The following COL25A1 variants were observed in gnomAD, a reference collection of about 807,000 sequenced individuals.
The protein encoded by COL25A1 is collagen type XXV alpha 1 chain.
Under a neutral mutation model 128.4 loss-of-function variants are expected in COL25A1, and 103 were observed. The ratio of observed to expected loss-of-function variants is 0.80; its 90% CI spans 0.68 to 0.94. COL25A1 has a LOEUF of 0.94. Ranked by LOEUF, COL25A1 falls within the 40% of genes least tolerant of loss-of-function variation. The pLI is 0.00. For synonymous variants in COL25A1, 279 were observed against 277.2 expected (o/e 1.01, Z -0.06); for missense variants, 745 against 840.0 (o/e 0.89, Z 1.40).
At chr4:109,020,711 A>G (rs1462697153) in intron 5 of COL25A1, among the ~76,000 whole-genome samples, 2 of 152,214 alleles carry the variant, frequency 1.3e-5, no homozygotes, top group Admixed American at 1.3e-4. Context: ...TAACATGTTC[A>G]TATGTGGAAC....
intron 3 of COL25A1, among the ~76,000 whole-genome samples, chr4:109,061,485 A>C (rs112807134): frequency 2.6e-5 from 4 of 152,332 alleles, no homozygotes; most frequent in African/African-American, 9.6e-5. Flanking sequence ...TTGTCTATTT[A>C]AGGAATTAAT....
chr4:109,039,470 A>G (rs1378613218), intron 5 of COL25A1, among the ~76,000 whole-genome samples: 1 of 152,184 alleles, frequency 6.6e-6, no homozygotes, highest in African/African-American at 2.4e-5. Flanking sequence ...CTCTTGGAAA[A>G]TACACACTAC....
chr4:108,909,645 G>A (rs1210841486), intron 13 of COL25A1, among the ~76,000 whole-genome samples: 2 of 152,202 alleles, frequency 1.3e-5, no homozygotes, highest in Non-Finnish European at 2.9e-5. Flanking sequence ...GTAATGCAGA[G>A]AGATAGTTAG....
intron 3 of COL25A1, among the ~76,000 whole-genome samples, chr4:109,138,428 A>G (rs1298463905): frequency 6.6e-6 from 1 of 152,178 alleles, no homozygotes; most frequent in East Asian, 1.9e-4. Context: ...GCTATTGTGA[A>G]TAGTGCCGCA....
rs79363979 is a variant in COL25A1 at position 109,121,260 on chromosome 4, A to C, written c.368-71081T>G. 8.9e-3 allele frequency among the ~76,000 whole-genome samples: 1,359 copies of C among 152,230 alleles called. 14 individuals are homozygous for C. Among genetic ancestry groups the C allele is most frequent in the African/African-American group, 0.022 (903 of 41,558 alleles). On this transcript the variant is annotated intron_variant, in intron 3 of 37. Transcript: ENST00000399132. ...GTGATGACATTTTAGATAAAACCCC[A>C]AAGTGACAAACTATGAAAAATATAA...
chr4:109,299,229 TTAAA>T (rs1181896586), intron 3 of COL25A1, among the ~76,000 whole-genome samples: 1 of 152,176 alleles, frequency 6.6e-6, no homozygotes, highest in Non-Finnish European at 1.5e-5. Context: ...TCCTGGGAAT[TTAAA>T]TAATCCCTAC....
chr4:108,907,950 A>C (rs1560841697), intron 13 of COL25A1, among the ~76,000 whole-genome samples: 2 of 152,148 alleles, frequency 1.3e-5, no homozygotes. Context: ...TTCTCTTGTA[A>C]AGTGTGTGGG....
At chr4:109,189,495 C>T (rs150784402) in intron 3 of COL25A1, among the ~76,000 whole-genome samples, 91 of 145,946 alleles carry the variant, frequency 6.2e-4, no homozygotes, top group African/African-American at 2.2e-3. Flanking sequence ...ATGTAGTGAG[C>T]CGAGATCACG....
At chr4:109,076,017 ATAGTAT>A (rs1247566188) in intron 3 of COL25A1, among the ~76,000 whole-genome samples, 46 of 152,316 alleles carry the variant, frequency 3.0e-4, no homozygotes, top group African/African-American at 1.1e-3. Flanking sequence ...CCTAAACAGT[ATAGTAT>A]AACAATTATT....
intron 3 of COL25A1, among the ~76,000 whole-genome samples, chr4:109,159,474 T>C (rs1307634539): frequency 6.6e-6 from 1 of 152,136 alleles, no homozygotes; most frequent in African/African-American, 2.4e-5. Flanking sequence ...CACCCCACGC[T>C]TTCCAGCACC....
At chr4:109,224,055 T>C (rs974082661) in intron 3 of COL25A1, among the ~76,000 whole-genome samples, 1 of 152,234 alleles carries the variant, frequency 6.6e-6, no homozygotes, top group Non-Finnish European at 1.5e-5. Flanking sequence ...AACTCCTGTC[T>C]TGGAATTTTT....
intron 3 of COL25A1, among the ~76,000 whole-genome samples, chr4:109,109,924 T>G (rs558858193): frequency 2.6e-5 from 4 of 152,180 alleles, no homozygotes; most frequent in African/African-American, 4.8e-5. Context: ...TTATCTCACA[T>G]GTCATTGTTT....
At chr4:108,923,199 CA>C (rs1745668225) in intron 11 of COL25A1, among the ~76,000 whole-genome samples, 1 of 152,122 alleles carries the variant, frequency 6.6e-6, no homozygotes, top group Non-Finnish European at 1.5e-5. Context: ...TTTCCCTACT[CA>C]AAAATTGATT....
At chr4:109,248,808 G>A (rs1780451817) in intron 3 of COL25A1, among the ~76,000 whole-genome samples, 2 of 152,122 alleles carry the variant, frequency 1.3e-5, no homozygotes, top group South Asian at 4.1e-4. Context: ...GGTTAATGTT[G>A]ATGGAAAGAT....
intron 3 of COL25A1, among the ~76,000 whole-genome samples, chr4:109,140,430 A>T (rs1770285841): frequency 6.6e-6 from 1 of 152,182 alleles, no homozygotes; most frequent in Admixed American, 6.5e-5. Flanking sequence ...TTTTGGTTCC[A>T]TATGAAATTT....
At chr4:109,085,169 C>T (rs3108956) in intron 3 of COL25A1, among the ~76,000 whole-genome samples, 35,066 of 151,908 alleles carry the variant, frequency 0.23, 5,230 homozygotes, top group African/African-American at 0.4. Context: ...TCCATTGCAG[C>T]TGGGGCTCCA....
At chr4:108,984,127 T>G (rs1258263261) in intron 6 of COL25A1, among the ~76,000 whole-genome samples, 1 of 152,190 alleles carries the variant, frequency 6.6e-6, no homozygotes, top group African/African-American at 2.4e-5. Context: ...ACACAAAGGT[T>G]CTTCAAGTCC....
chr4:109,050,304 G>C, intron 3 of COL25A1, 125 bp from the exon 4 acceptor site: 1 of 673,320 alleles, frequency 1.5e-6, no homozygotes, highest in Admixed American at 3.0e-5. Flanking sequence ...AAAGGGATCA[G>C]ATATTTGTAA....
chr4:109,108,977 T>C (rs1357936553), intron 3 of COL25A1, among the ~76,000 whole-genome samples: 1 of 152,226 alleles, frequency 6.6e-6, no homozygotes, highest in Non-Finnish European at 1.5e-5. Context: ...TTTACAGATA[T>C]GCCTGTACAA....
Sources: allele counts gnomAD v4.1 joint callset (sites outside exome capture counted in the v4.1 genomes callset), GRCh38; gene constraint gnomAD v4.1.1; transcripts MANE v1.5; gene names NCBI Gene and HGNC (gene_info 2026-07-23, HGNC 2026-07-21).